The following ZNF410 variants were observed in gnomAD, a reference collection of about 807,000 sequenced individuals.
The protein encoded by ZNF410 is zinc finger protein 410.
Under a neutral mutation model 54.8 loss-of-function variants are expected in ZNF410, and 18 were observed. That is an observed-to-expected ratio of 0.33 (90% CI 0.23 to 0.49). ZNF410 has a LOEUF of 0.49. Ranked by LOEUF, ZNF410 falls within the 20% of genes least tolerant of loss-of-function variation. The pLI is 0.99. For synonymous variants in ZNF410, 191 were observed against 207.3 expected, an observed-to-expected ratio of 0.92 and a Z score of 0.68; for missense variants, 405 against 569.6, an observed-to-expected ratio of 0.71 and a Z score of 2.94.
At chr14:73,905,239 C>A in intron 7 of ZNF410, 156 bp downstream of exon 7, 1 of 713,738 alleles carries the variant, frequency 1.4e-6, no homozygotes, top group Non-Finnish European at 2.2e-6. Context: ...ACTTGTTGCA[C>A]TTATAATAAC....
intron 8 of ZNF410, among the ~76,000 whole-genome samples, chr14:73,911,446 A>G (rs1211899887): frequency 1.3e-5 from 2 of 152,238 alleles, no homozygotes; most frequent in East Asian, 3.8e-4. Flanking sequence ...TCAGGGATGT[A>G]CATTTCAGAG....
chr14:73,896,573 G>GA (rs544936991), intron 4 of ZNF410, 39 bp downstream of exon 4: 3 of 1,534,808 alleles, frequency 2.0e-6, no homozygotes, highest in African/African-American at 1.4e-5. Context: ...TTATGCCTAA[G>GA]AAAAAAATTA....
chr14:73,924,136 A>C (rs983950914), intron 11 of ZNF410, among the ~76,000 whole-genome samples: 2 of 152,128 alleles, frequency 1.3e-5, no homozygotes, highest in Non-Finnish European at 2.9e-5. Flanking sequence ...CCATTACCTA[A>C]ATCAATGGTC....
chr14:73,898,446 A>G, intron 5 of ZNF410, 184 bp downstream of exon 5: 1 of 666,502 alleles, frequency 1.5e-6, no homozygotes, highest in Non-Finnish European at 2.5e-6. Flanking sequence ...TTTGTGTTCA[A>G]AACCAACTAG....
intron 7 of ZNF410, 30 bp from the exon 8 acceptor site, chr14:73,909,311 C>A: frequency 6.3e-7 from 1 of 1,585,418 alleles, no homozygotes; most frequent in Non-Finnish European, 8.6e-7. Flanking sequence ...CATCAGAAGA[C>A]TGAGTCTTTA....
At chr14:73,908,126 G>A (rs544751717) in intron 7 of ZNF410, among the ~76,000 whole-genome samples, 1 of 152,112 alleles carries the variant, frequency 6.6e-6, no homozygotes, top group Non-Finnish European at 1.5e-5. Flanking sequence ...TGGATTAACA[G>A]ACCCCAAAGG....
At chr14:73,888,068 C>G (rs1440634923) in intron 1 of ZNF410, among the ~76,000 whole-genome samples, 1 of 152,018 alleles carries the variant, frequency 6.6e-6, no homozygotes. Flanking sequence ...ACTGAGAGAC[C>G]TAAACAGGGC....
rs778392462 is a variant in ZNF410, at chr14:73,923,536, T to C, written c.1398+14T>C. The C allele has an allele frequency of 6.2e-7, 1 of 1,606,956 alleles. No homozygotes were observed. Among genetic ancestry groups the C allele is most frequent in the Admixed American group, 1.7e-5 (1 of 58,884 alleles). ...AATCCACAAGAGGTAAAGTGGTCTC[T>C]TGCCCTTTGTTTCTGTGACAATTCA... On this transcript the variant is annotated intron_variant, in intron 11 of 11. Coordinates refer to ENST00000555044, the MANE Select transcript of ZNF410 (RefSeq NM_021188.3).
chr14:73,901,997 A>C (rs1000104317), intron 5 of ZNF410, among the ~76,000 whole-genome samples: 7 of 151,850 alleles, frequency 4.6e-5, no homozygotes, highest in African/African-American at 1.7e-4. Flanking sequence ...TTCATTAGAA[A>C]TCAATTAGCT....
chr14:73,918,830 C>G (rs2055710108), intron 8 of ZNF410, among the ~76,000 whole-genome samples: 1 of 150,154 alleles, frequency 6.7e-6, no homozygotes, highest in Non-Finnish European at 1.5e-5. Context: ...TACCGAGTAG[C>G]TGGGACTACA....
intron 2 of ZNF410, chr14:73,893,534 G>A: frequency 3.0e-6 from 1 of 333,054 alleles, no homozygotes; most frequent in Non-Finnish European, 5.4e-6. Flanking sequence ...AATAAAAATA[G>A]GATATTACAA....
chr14:73,906,334 A>C (rs1169248316), intron 7 of ZNF410: 4 of 151,510 alleles, frequency 2.6e-5, no homozygotes, highest in African/African-American at 9.7e-5. Context: ...AGTCAAATGC[A>C]GTAGTGAGAA....
chr14:73,889,808 TTTTC>T (rs1170036309), intron 1 of ZNF410, among the ~76,000 whole-genome samples: 2 of 95,810 alleles, frequency 2.1e-5, no homozygotes, highest in African/African-American at 3.0e-5. Flanking sequence ...TTTTTTTTTT[TTTTC>T]TCGACACAGA....
rs757872276 is a variant in ZNF410 at position 73,905,122 on chromosome 14, C to T, written c.913+39C>T. 9.5e-6 allele frequency: 15 copies of T among 1,586,972 alleles called. No homozygotes were observed. In the African/African-American group the frequency reaches 1.1e-4, roughly 11 times the overall value. ...CAACATTCCTTTGGGCAGTCTGCTC[C>T]TTGGCTCTGCATGTTTGCCTCTCCT... On this transcript the variant is annotated intron_variant, in intron 7 of 11. Transcript: ENST00000555044.
intron 4 of ZNF410, among the ~76,000 whole-genome samples, chr14:73,897,566 G>A (rs2055337927): frequency 6.6e-6 from 1 of 152,288 alleles, no homozygotes; most frequent in East Asian, 1.9e-4. Flanking sequence ...CTTGAAACCA[G>A]AGGAGGCAAG....
At chr14:73,928,303 T>C (rs1044729639) in intron 11 of ZNF410, among the ~76,000 whole-genome samples, 1 of 151,726 alleles carries the variant, frequency 6.6e-6, no homozygotes, top group Non-Finnish European at 1.5e-5. Flanking sequence ...TGTACAAAGG[T>C]AGAAGGTAAG....
intron 9 of ZNF410, 37 bp from the exon 10 acceptor site, chr14:73,922,029 A>C: frequency 6.2e-7 from 1 of 1,608,792 alleles, no homozygotes; most frequent in Non-Finnish European, 8.5e-7. Flanking sequence ...CACAGCCTTG[A>C]TTGCTGTATG....
At chr14:73,895,675 A>G (rs1186569822) in intron 3 of ZNF410, among the ~76,000 whole-genome samples, 3 of 152,298 alleles carry the variant, frequency 2.0e-5, no homozygotes, top group Non-Finnish European at 2.9e-5. Context: ...ATAAAACACA[A>G]TATTACAGGC....
intron 11 of ZNF410, among the ~76,000 whole-genome samples, chr14:73,923,810 G>C (rs147346366): frequency 3.4e-4 from 52 of 152,176 alleles, no homozygotes; most frequent in African/African-American, 1.3e-3. Context: ...ACATGATACA[G>C]CTTTTATTTT....
Sources: gnomAD v4.1 joint callset for allele counts (sites outside exome capture counted in the v4.1 genomes callset) on GRCh38, gnomAD v4.1.1 for gene constraint, MANE v1.5 for transcripts, NCBI Gene and HGNC (gene_info 2026-07-23, HGNC 2026-07-21) for gene names.